MYH14: variants seen among roughly 807,000 people sequenced by gnomAD.
MYH14 encodes the protein myosin-14.
A neutral mutation model predicts 255.5 loss-of-function variants in MYH14; 123 were observed. The ratio of observed to expected loss-of-function variants is 0.48; its 90% CI spans 0.42 to 0.56. MYH14 has a LOEUF of 0.56. MYH14 is among the 20% of genes least tolerant of loss of function. MYH14 has a pLI of 0.00. For synonymous variants in MYH14, 1,095 were observed against 1,161.2 expected, an observed-to-expected ratio of 0.94 and a Z score of 1.16; for missense variants, 2,423 against 2,802.3, an observed-to-expected ratio of 0.86 and a Z score of 3.06.
chr19:50,250,404 C>CA lies in MYH14; in HGVS notation c.1657-110dup, dbSNP rs2034324845. On this transcript the variant is annotated intron_variant, in intron 14 of 42. Transcript: ENST00000642316. The surrounding 1 kb of genome is among the most constrained non-coding windows in gnomAD (Gnocchi z 5.4). ...GCGTGAGCCACCGTGCCTGGCATCT[C>CA]ACGTTTGTTTTTATGTCCAAGTGTG... 2.6e-6 allele frequency: 3 copies of CA among 1,162,122 alleles called. No individual in the cohort carries two copies. The highest frequency in any genetic ancestry group is 3.7e-6 in the Non-Finnish European group (3 of 804,014). The allele number at this position is 1,162,122 out of a possible 1,614,324, so 72.0% of individuals were successfully genotyped here.
Position 50,280,103 on chromosome 19 carries a change from G to A in MYH14, c.4099G>A (p.Glu1367Lys). Residue 1367 changes from glutamate to lysine, a missense_variant, in exon 31 of 43, where the codon GAG becomes AAG. By Grantham distance (56) the Glu-to-Lys change is moderately conservative. Transcript: ENST00000642316. This position sits in a 1 kb window ranked among gnomAD's most constrained non-coding sequence, Gnocchi z 4.8. ...AESKTIRLSK[E>K]LSSTEAQLHD... ...GTCCAAAACCATCCGTCTTAGCAAG[G>A]AGCTGAGCAGCACAGAAGCCCAGCT... 1 of 1,609,562 alleles carries A rather than the reference G, an allele frequency of 6.2e-7. No individual in the cohort carries two copies. The highest frequency in any genetic ancestry group is 8.5e-7 in the Non-Finnish European group (1 of 1,178,052).
At chr19:50,289,703 G>A in intron 35 of MYH14, 55 bp downstream of exon 35, 1 of 1,509,108 alleles carries the variant, frequency 6.6e-7, no homozygotes, top group Non-Finnish European at 9.0e-7. Flanking sequence ...ATGCCATGGT[G>A]TGTACAGGCA....
intron 40 of MYH14, among the ~76,000 whole-genome samples, chr19:50,306,645 A>G (rs2036662906): frequency 6.6e-6 from 1 of 152,258 alleles, no homozygotes; most frequent in South Asian, 2.1e-4. Flanking sequence ...GTTGAGGCTT[A>G]AGTATCCTCT....
intron 13 of MYH14, 105 bp downstream of exon 13, chr19:50,249,244 C>A: frequency 7.6e-7 from 1 of 1,324,174 alleles, no homozygotes; most frequent in Non-Finnish European, 1.0e-6. Context: ...GTCCCCCTCT[C>A]TCTCTCTGAG....
chr19:50,232,981 C>T (rs1460983048), intron 10 of MYH14, among the ~76,000 whole-genome samples: 1 of 151,952 alleles, frequency 6.6e-6, no homozygotes, highest in African/African-American at 2.4e-5. Context: ...CAAGAAGACC[C>T]CTTGGGGGCC....
chr19:50,284,519 C>T (rs1038082082), intron 33 of MYH14, among the ~76,000 whole-genome samples: 5 of 151,872 alleles, frequency 3.3e-5, no homozygotes, highest in South Asian at 2.1e-4. Flanking sequence ...AGGCACATGC[C>T]GCCACACCCG....
chr19:50,252,577 A>T lies in MYH14; in HGVS notation c.1831-62A>T. ...TCTCAGAGCTTCTGGAAGGCTCCTT[A>T]GGAAATCCAGAGAATGTCTGAGCCT... On this transcript the variant is annotated intron_variant, in intron 15 of 42. Coordinates refer to ENST00000642316, the MANE Select transcript of MYH14 (RefSeq NM_001145809.2). This position sits in a 1 kb window ranked among gnomAD's most constrained non-coding sequence, Gnocchi z 4.2. The T allele has an allele frequency of 8.4e-7, 1 of 1,196,252 alleles. No homozygotes were observed. The highest frequency in any genetic ancestry group is 1.2e-6 in the Non-Finnish European group (1 of 823,972). The allele number at this position is 1,196,252 out of a possible 1,614,324, so 74.1% of individuals were successfully genotyped here.
chr19:50,273,955 G>A (rs1422090809), intron 27 of MYH14, among the ~76,000 whole-genome samples: 2 of 152,012 alleles, frequency 1.3e-5, no homozygotes, highest in Admixed American at 6.6e-5. Context: ...CTGACTTCTG[G>A]GTTGGAATCC....
chr19:50,246,035 T>G (rs1325656004), intron 11 of MYH14, among the ~76,000 whole-genome samples: 1 of 132,392 alleles, frequency 7.6e-6, no homozygotes, highest in Non-Finnish European at 1.6e-5. Context: ...CCTCCCTTCC[T>G]CCTGCCCTCC....
At chr19:50,217,532 T>C in intron 2 of MYH14, 83 bp from the exon 3 acceptor site, 1 of 1,499,852 alleles carries the variant, frequency 6.7e-7, no homozygotes. Context: ...CCTTGTGCAG[T>C]GCACGGCCTG....
chr19:50,255,554 C>A (rs149052350), intron 17 of MYH14, among the ~76,000 whole-genome samples: 1 of 152,160 alleles, frequency 6.6e-6, no homozygotes, highest in African/African-American at 2.4e-5. Flanking sequence ...TACCAGCTCG[C>A]GTTTCTTGAG....
At chr19:50,292,206 G>A in intron 36 of MYH14, 55 bp from the exon 37 acceptor site, 1 of 1,507,394 alleles carries the variant, frequency 6.6e-7, no homozygotes, top group East Asian at 2.5e-5. Flanking sequence ...GGGTGGAGGA[G>A]TTCCCTGTGC....
chr19:50,249,014 A>G lies in MYH14; in HGVS notation c.1357A>G (p.Lys453Glu), dbSNP rs2123302097. 1 of 1,613,678 alleles carries G rather than the reference A, an allele frequency of 6.2e-7. No individual in the cohort carries two copies. The highest frequency in any genetic ancestry group is 2.2e-5 in the East Asian group (1 of 44,874). Residue 453 changes from lysine (K) to glutamate (E), a missense_variant, in exon 13 of 43, where the codon AAG (lysine) becomes GAG (glutamate). Transcript: ENST00000642316. ...TGACTTCGCGCTGGAGGCCCTGGCC[A>G]AGGCCACCTACGAGCGCCTCTTCCG... is the stretch of plus-strand genomic sequence containing the variant. ...QADFALEALA[K>E]ATYERLFRWL...
chr19:50,219,973 G>GGA (rs1400066930), intron 3 of MYH14, among the ~76,000 whole-genome samples: 12 of 152,102 alleles, frequency 7.9e-5, no homozygotes, highest in African/African-American at 2.9e-4. Flanking sequence ...GGCCAAGGCA[G>GGA]GAGAATTGCT....
chr19:50,214,950 G>A (rs1005865548), intron 2 of MYH14, among the ~76,000 whole-genome samples: 1 of 152,130 alleles, frequency 6.6e-6, no homozygotes, highest in African/African-American at 2.4e-5. Flanking sequence ...AATGAGGTGG[G>A]GAGTGTCGCC....
chr19:50,248,955 G>C (rs755106709), intron 12 of MYH14, 32 bp from the exon 13 acceptor site: 1 of 1,610,914 alleles, frequency 6.2e-7, no homozygotes, highest in African/African-American at 1.3e-5. Flanking sequence ...TGATGTGCAG[G>C]CTGCGCCCTT....
intron 10 of MYH14, among the ~76,000 whole-genome samples, chr19:50,239,838 C>T (rs941078079): frequency 1.2e-4 from 19 of 152,174 alleles, no homozygotes; most frequent in Admixed American, 3.3e-4. Context: ...CGTGAGCCAC[C>T]GCGCCCGGCC....
intron 19 of MYH14, among the ~76,000 whole-genome samples, chr19:50,260,431 C>T (rs1029679151): frequency 4.6e-5 from 7 of 152,100 alleles, no homozygotes; most frequent in African/African-American, 1.7e-4. Flanking sequence ...TCTCAAAAAA[C>T]AAACAAAACA....
intron 18 of MYH14, chr19:50,258,332 CAG>C (rs2034669997): frequency 1.3e-5 from 2 of 152,166 alleles, no homozygotes. Context: ...GTTTAATTAC[CAG>C]TCTTTTTCCT....
Sources: gnomAD v4.1 joint callset for allele counts (sites outside exome capture counted in the v4.1 genomes callset) on GRCh38, gnomAD v4.1.1 for gene constraint, Gnocchi (gnomAD v3.1) non-coding constraint, MANE v1.5 for transcripts, NCBI Gene and HGNC (gene_info 2026-07-23, HGNC 2026-07-21) for gene names.